The following PYGB variants were observed in gnomAD, a reference collection of about 807,000 sequenced individuals.
PYGB encodes the protein glycogen phosphorylase, brain form.
In PYGB, 82 loss-of-function variants were observed where a neutral mutation model predicts 94.3. That is an observed-to-expected ratio of 0.87 (90% CI 0.73 to 1.04). The LOEUF (loss-of-function observed/expected upper bound fraction) is 1.04, where lower values mean the gene tolerates loss of function less well. Ranked by LOEUF, PYGB falls within the 50% of genes least tolerant of loss-of-function variation. PYGB has a pLI of 0.00. For synonymous variants in PYGB, 488 were observed against 479.1 expected (o/e 1.02, Z -0.24); for missense variants, 1,132 against 1,158.2 (o/e 0.98, Z 0.33).
intron 5 of PYGB, among the ~76,000 whole-genome samples, chr20:25,276,323 CA>C (rs2088310384): frequency 6.6e-6 from 1 of 152,092 alleles, no homozygotes; most frequent in Non-Finnish European, 1.5e-5. Flanking sequence ...GTTGGTGCTG[CA>C]GCACCTCAGG....
chr20:25,259,638 T>A (rs1251072415), intron 2 of PYGB, among the ~76,000 whole-genome samples: 1 of 152,230 alleles, frequency 6.6e-6, no homozygotes, highest in Non-Finnish European at 1.5e-5. Context: ...TTTAGAGCAC[T>A]GCACCAGTGG....
rs368166226 is a variant in PYGB at position 25,248,292 on chromosome 20, C to A, written c.114C>A (p.Phe38Leu). ...AGAGCTTCAACCGGCACTTGCACTT[C>A]ACGCTGGTCAAGGACCGCAATGTGG... ...VRKSFNRHLH[F>L]TLVKDRNVAT... is the part of the protein sequence containing the mutation. The change falls in exon 1 of 20, where the codon TTC becomes TTA. Residue 38 changes from phenylalanine to leucine, a missense_variant. Phe to Leu is a conservative substitution (Grantham distance 22, BLOSUM62 0). Coordinates refer to ENST00000216962, the MANE Select transcript of PYGB (RefSeq NM_002862.4). 2 of 1,605,264 alleles carry A rather than the reference C, an allele frequency of 1.2e-6. No individual in the cohort carries two copies. The highest frequency in any genetic ancestry group is 1.7e-6 in the Non-Finnish European group (2 of 1,176,424).
intron 13 of PYGB, 90 bp downstream of exon 13, chr20:25,283,367 C>A: frequency 8.5e-7 from 1 of 1,181,150 alleles, no homozygotes; most frequent in Non-Finnish European, 1.2e-6. Context: ...AGGCCCAGCA[C>A]AGGTCCTGGG....
chr20:25,268,171 C>CCCCCCCCCCA (rs1555806050), intron 2 of PYGB, among the ~76,000 whole-genome samples: 1 of 121,598 alleles, frequency 8.2e-6, no homozygotes, highest in African/African-American at 3.0e-5. Context: ...GCCCCCCCCC[C>CCCCCCCCCCA]ATATCCAAAA....
chr20:25,282,497 C>A (rs941422142), intron 12 of PYGB, among the ~76,000 whole-genome samples: 2 of 152,216 alleles, frequency 1.3e-5, no homozygotes, highest in Admixed American at 1.3e-4. Flanking sequence ...TATGCAAGCT[C>A]CCTGAGGAAA....
intron 18 of PYGB, 124 bp downstream of exon 18, chr20:25,294,416 C>G: frequency 7.9e-7 from 1 of 1,262,620 alleles, no homozygotes; most frequent in Non-Finnish European, 1.1e-6. Context: ...GTCTTCTCCA[C>G]TGTGCCCATG....
intron 7 of PYGB, 72 bp from the exon 8 acceptor site, chr20:25,278,245 GGT>G: frequency 4.9e-6 from 3 of 608,686 alleles, no homozygotes; most frequent in Non-Finnish European, 6.6e-6. Context: ...CTTTGAGCCA[GGT>G]CGCTGACCTG....
At chr20:25,276,139 T>C (rs1174945900) in intron 5 of PYGB, among the ~76,000 whole-genome samples, 1 of 151,668 alleles carries the variant, frequency 6.6e-6, no homozygotes, top group African/African-American at 2.4e-5. Flanking sequence ...GGGCTTGTGC[T>C]GGGGGGCTGG....
chr20:25,279,879 G>C (rs1306860547), intron 9 of PYGB, among the ~76,000 whole-genome samples: 1 of 152,242 alleles, frequency 6.6e-6, no homozygotes, highest in Non-Finnish European at 1.5e-5. Flanking sequence ...GGGCAGGTCT[G>C]TGTAGTAACC....
At chr20:25,288,584 G>A (rs1426016995) in intron 15 of PYGB, 101 bp downstream of exon 15, 1 of 1,387,630 alleles carries the variant, frequency 7.2e-7, no homozygotes, top group African/African-American at 1.4e-5. Flanking sequence ...CCATACTCGG[G>A]AACCGGATGC....
In PYGB at chr20:25,288,500, G is replaced by T. The variant is rs2088438046; in HGVS notation, c.1827+17G>T. Reference sequence around the variant, plus strand: ...GGGGGCAAGGTGAGTGACTTCCTCTGCAGTCCTCTCTGTGGTGTTTGGTCT... The same window carrying T: ...GGGGGCAAGGTGAGTGACTTCCTCTTCAGTCCTCTCTGTGGTGTTTGGTCT... On this transcript the variant is annotated intron_variant, in intron 15 of 19. Transcript: ENST00000216962. The T allele has an allele frequency of 6.2e-7, 1 of 1,613,336 alleles. No homozygotes were observed. The highest frequency in any genetic ancestry group is 1.3e-5 in the African/African-American group (1 of 74,892).
At chr20:25,253,037 T>G (rs1189462948) in intron 1 of PYGB, among the ~76,000 whole-genome samples, 1 of 152,250 alleles carries the variant, frequency 6.6e-6, no homozygotes, top group Non-Finnish European at 1.5e-5. Flanking sequence ...TCTTTCATTT[T>G]TATTGCTCTT....
chr20:25,278,679 G>T (rs1038126243), intron 8 of PYGB, among the ~76,000 whole-genome samples: 3 of 152,204 alleles, frequency 2.0e-5, no homozygotes, highest in Admixed American at 1.3e-4. Context: ...GGGACATGGT[G>T]AAAGGCTCCT....
Position 25,248,341 on chromosome 20 carries a change from G to T in PYGB, c.163G>T (p.Ala55Ser). Residue 55 changes from alanine to serine, a missense_variant, in exon 1 of 20, where the codon GCG becomes TCG. By Grantham distance (99) the Ala-to-Ser change is moderately conservative. Coordinates refer to ENST00000216962, the MANE Select transcript of PYGB (RefSeq NM_002862.4). ...GGCCACGCCCCGCGACTACTTCTTC[G>T]CGCTGGCGCACACGGTGCGCGACCA... ...NVATPRDYFF[A>S]LAHTVRDHLV... 1 of 1,603,080 alleles carries T rather than the reference G, an allele frequency of 6.2e-7. No individual in the cohort carries two copies. Among genetic ancestry groups the T allele is most frequent in the Non-Finnish European group, 8.5e-7 (1 of 1,175,522 alleles).
chr20:25,260,462 C>T (rs943868491), intron 2 of PYGB, among the ~76,000 whole-genome samples: 5 of 152,116 alleles, frequency 3.3e-5, no homozygotes, highest in South Asian at 2.1e-4. Flanking sequence ...TTAGAAATTG[C>T]GGGCAAGCAT....
chr20:25,292,052 C>T lies in PYGB; in HGVS notation c.1970-354C>T, dbSNP rs568948798. On this transcript the variant is annotated intron_variant, in intron 16 of 19. Coordinates refer to ENST00000216962, the MANE Select transcript of PYGB (RefSeq NM_002862.4). ...GAGCCGCTGGGGCTGATCAAGGTCG[C>T]GGTGATCCAGGGAACGACATTGTCA... 4.6e-5 allele frequency among the ~76,000 whole-genome samples: 7 copies of T among 152,302 alleles called. No individual in the cohort carries two copies. The South Asian group carries it at 8.3e-4, about 18-fold the overall frequency.
At chr20:25,268,155 G>T (rs1568687475) in intron 2 of PYGB, among the ~76,000 whole-genome samples, 1 of 6,274 alleles carries the variant, frequency 1.6e-4, no homozygotes, top group Non-Finnish European at 2.5e-4. Flanking sequence ...GTAAATCCTA[G>T]CACCCGCCCC....
intron 1 of PYGB, chr20:25,251,196 C>G (rs1228005450): frequency 6.6e-6 from 1 of 152,238 alleles, no homozygotes; most frequent in Non-Finnish European, 1.5e-5. Context: ...TTAATGGATT[C>G]TCTGAAGTGG....
At position 25,295,581 on chromosome 20, in the gene PYGB, C is replaced by T. The variant is rs200945939; in HGVS notation, c.2313-23C>T. On this transcript the variant is annotated intron_variant, in intron 18 of 19. Coordinates refer to ENST00000216962, the MANE Select transcript of PYGB (RefSeq NM_002862.4). ...GGCAGGGCTCCCTGCTGCCCTGGCCCAGCCTCCTTTCTCCCATTCCAGGTT... is the reference window on the plus strand; with the variant it reads ...GGCAGGGCTCCCTGCTGCCCTGGCCTAGCCTCCTTTCTCCCATTCCAGGTT... 2.7e-5 allele frequency: 43 copies of T among 1,610,986 alleles called. No individual in the cohort carries two copies. In the African/African-American group the frequency reaches 4.9e-4, roughly 18 times the overall value.
Sources: allele counts gnomAD v4.1 joint callset (sites outside exome capture counted in the v4.1 genomes callset), GRCh38; gene constraint gnomAD v4.1.1; transcripts MANE v1.5; gene names NCBI Gene and HGNC (gene_info 2026-07-23, HGNC 2026-07-21).